Variants in PSTPIP1 observed in about 807,000 individuals in gnomAD.
PSTPIP1 encodes proline-serine-threonine phosphatase interacting protein 1.
In PSTPIP1, 66 loss-of-function variants were observed where a neutral mutation model predicts 69.6. The ratio of observed to expected loss-of-function variants is 0.95; its 90% CI spans 0.78 to 1.16. The LOEUF (loss-of-function observed/expected upper bound fraction) is 1.16. Among genes scored for constraint, PSTPIP1 ranks in the 50% most tolerant of loss-of-function variants. The pLI is 0.00. For missense variants in PSTPIP1, 603 were observed against 557.4 expected (o/e 1.08, Z -0.82); for synonymous variants, 266 against 222.7 (o/e 1.19, Z -1.73).
chr15:77,011,305 G>A (rs1354933273), intron 1 of PSTPIP1, among the ~76,000 whole-genome samples: 1 of 152,194 alleles, frequency 6.6e-6, no homozygotes, highest in East Asian at 1.9e-4. Flanking sequence ...GGACCCCTGG[G>A]AGTCCCTGGA....
Position 76,995,677 on chromosome 15 carries a change from G to A in PSTPIP1, c.36+68G>A, listed in dbSNP as rs2254441. On this transcript the variant is annotated intron_variant, in intron 1 of 14. Coordinates refer to ENST00000558012, the MANE Select transcript of PSTPIP1 (RefSeq NM_003978.5). ...AGAGCTAGGCTGAAATCTCCATGCA[G>A]GTGATGGGATGCGGCTCCGAGAGGG... 378,212 of 1,609,522 alleles carry A rather than the reference G, an allele frequency of 0.23. 50,599 individuals are homozygous for A. The highest frequency in any genetic ancestry group is 0.49 in the East Asian group (22,056 of 44,842).
chr15:77,035,481 C>A, intron 12 of PSTPIP1, 27 bp from the exon 13 acceptor site: 1 of 1,577,626 alleles, frequency 6.3e-7, no homozygotes, highest in Non-Finnish European at 8.6e-7. Context: ...GGCGGGGACA[C>A]TCACCCTCTT....
At chr15:77,011,418 T>G (rs1377571644) in intron 1 of PSTPIP1, among the ~76,000 whole-genome samples, 1 of 152,224 alleles carries the variant, frequency 6.6e-6, no homozygotes, top group African/African-American at 2.4e-5. Context: ...CCAGCTGGGC[T>G]GCTCAGGTGA....
chr15:77,025,716 G>T, intron 5 of PSTPIP1, 112 bp downstream of exon 5: 2 of 811,966 alleles, frequency 2.5e-6, no homozygotes, highest in Admixed American at 2.4e-5. Flanking sequence ...CGGCAGGGGT[G>T]GTGGTGGGAC....
intron 10 of PSTPIP1, chr15:77,031,479 TCTGC>T (rs1039458549): frequency 6.1e-6 from 3 of 490,364 alleles, no homozygotes; most frequent in African/African-American, 5.9e-5. Flanking sequence ...CCATGGCTTC[TCTGC>T]CTGGAAGATG....
chr15:76,999,766 C>T (rs2075658146), intron 1 of PSTPIP1, among the ~76,000 whole-genome samples: 1 of 152,206 alleles, frequency 6.6e-6, no homozygotes, highest in Non-Finnish European at 1.5e-5. Flanking sequence ...GCAAGGAGTG[C>T]TCTGAGAGGA....
intron 9 of PSTPIP1, among the ~76,000 whole-genome samples, chr15:77,030,909 C>T (rs185263091): frequency 2.8e-4 from 43 of 152,368 alleles, no homozygotes; most frequent in African/African-American, 9.1e-4. Flanking sequence ...GACTCCCGTC[C>T]GAGGTCCCTC....
intron 1 of PSTPIP1, among the ~76,000 whole-genome samples, 176 bp from the exon 2 acceptor site, chr15:77,017,972 G>A (rs1028189014): frequency 2.0e-5 from 3 of 152,198 alleles, no homozygotes; most frequent in African/African-American, 7.2e-5. Context: ...CAGATGTGAG[G>A]GGACCTCCTG....
At position 77,037,210 on chromosome 15, in the gene PSTPIP1, C is replaced by T. The variant is rs199557447; in HGVS notation, c.*34C>T. ...CAGGAGCCCCTTCGGACCTGCCCTGCCAGTGGAGCCAGCAGTGCCCCCAGC... is the reference window on the plus strand; with the variant it reads ...CAGGAGCCCCTTCGGACCTGCCCTGTCAGTGGAGCCAGCAGTGCCCCCAGC... On this transcript the variant is annotated 3_prime_UTR_variant, in exon 15 of 15. Transcript: ENST00000558012. 2.6e-6 allele frequency: 4 copies of T among 1,563,468 alleles called. No homozygotes were observed. The highest frequency in any genetic ancestry group is 3.5e-6 in the Non-Finnish European group (4 of 1,155,850).
intron 1 of PSTPIP1, among the ~76,000 whole-genome samples, chr15:76,999,138 T>C (rs571594818): frequency 4.7e-4 from 71 of 152,236 alleles, no homozygotes; most frequent in African/African-American, 1.6e-3. Flanking sequence ...GGCCAAATTA[T>C]TGCAAGAAAT....
chr15:77,023,912 G>A (rs1489425302), intron 3 of PSTPIP1: 1 of 152,372 alleles, frequency 6.6e-6, no homozygotes, highest in African/African-American at 2.4e-5. Context: ...CACTGCTGGT[G>A]AGGAGTCAGA....
chr15:77,002,151 T>C (rs1167745618), intron 1 of PSTPIP1, among the ~76,000 whole-genome samples: 1 of 152,232 alleles, frequency 6.6e-6, no homozygotes, highest in Non-Finnish European at 1.5e-5. Context: ...CCCAAACGCA[T>C]TGTCAGTGTC....
Position 77,018,291 on chromosome 15 carries a change from G to A in PSTPIP1, c.137+43G>A, listed in dbSNP as rs761228902. 19 of 1,550,914 alleles carry A rather than the reference G, an allele frequency of 1.2e-5. No individual in the cohort carries two copies. The South Asian group carries it at 2.3e-4, about 18-fold the overall frequency. On this transcript the variant is annotated intron_variant, in intron 2 of 14. Transcript: ENST00000558012. ...CCATGGGGAGCGCAGGCAGGAAGCA[G>A]GTGGCTTCCGCTCGGCTCCTGGGAC...
In PSTPIP1 at chr15:77,037,115, G is replaced by A. The variant is rs1173851329; in HGVS notation, c.1190G>A (p.Trp397Ter). 1.9e-6 allele frequency: 3 copies of A among 1,612,354 alleles called. No individual in the cohort carries two copies. The highest frequency in any genetic ancestry group is 2.5e-6 in the Non-Finnish European group (3 of 1,179,708). The change falls in exon 15 of 15, where the codon TGG (tryptophan) becomes TAG (stop). Residue 397 changes from tryptophan (W) to a stop codon, truncating the protein, a stop_gained. Coordinates refer to ENST00000558012, the MANE Select transcript of PSTPIP1 (RefSeq NM_003978.5). LOFTEE classifies it high-confidence loss of function. ...ATCCTGGAAGGGGAGGATGGCTGGT[G>A]GACTGTGGAGAGGAACGGGCAGCGT... ...EVILEGEDGW[W>*]TVERNGQRGF... is the part of the protein sequence containing the mutation.
intron 1 of PSTPIP1, among the ~76,000 whole-genome samples, chr15:76,997,959 G>A (rs5021805): frequency 0.14 from 20,811 of 151,744 alleles, 1,720 homozygotes; most frequent in South Asian, 0.23. Flanking sequence ...GTTTTTAGGC[G>A]GGGTGCAGTG....
chr15:77,032,231 C>G (rs2076435412), intron 10 of PSTPIP1, 67 bp from the exon 11 acceptor site: 1 of 1,531,248 alleles, frequency 6.5e-7, no homozygotes, highest in Admixed American at 1.8e-5. Context: ...GGCCGCTGGT[C>G]AGAGTTCAGG....
In PSTPIP1 at chr15:77,037,272, C is replaced by T; in HGVS notation, c.*96C>T. ...CTTGCTAGGGCCCAGAACCAAGCGTCCCCCAGCCCCGAGAGGGAGCCTGTC... is the reference window on the plus strand; with the variant it reads ...CTTGCTAGGGCCCAGAACCAAGCGTTCCCCAGCCCCGAGAGGGAGCCTGTC... On this transcript the variant is annotated 3_prime_UTR_variant, in exon 15 of 15. Coordinates refer to ENST00000558012, the MANE Select transcript of PSTPIP1 (RefSeq NM_003978.5). 9 of 1,456,586 alleles carry T rather than the reference C, an allele frequency of 6.2e-6. No homozygotes were observed. The highest frequency in any genetic ancestry group is 8.3e-6 in the Non-Finnish European group (9 of 1,086,340). 90.2% of individuals were successfully genotyped at this position (1,456,586 alleles called of 1,614,324 possible). A position where few individuals can be genotyped will look rare whatever the true frequency, so the allele number is the denominator to read the frequency against.
intron 6 of PSTPIP1, 132 bp from the exon 7 acceptor site, chr15:77,028,422 T>G (rs573679707): frequency 1.5e-6 from 1 of 669,982 alleles, no homozygotes; most frequent in African/African-American, 1.9e-5. Flanking sequence ...TCCCTGTCCC[T>G]GGTGAGGATG....
intron 2 of PSTPIP1, 75 bp downstream of exon 2, chr15:77,018,323 C>T (rs532211487): frequency 4.0e-5 from 62 of 1,534,848 alleles, no homozygotes; most frequent in Non-Finnish European, 5.4e-5. Flanking sequence ...GGACAGTGGA[C>T]GAGGCCCCCA....
Sources: allele counts gnomAD v4.1 joint callset (sites outside exome capture counted in the v4.1 genomes callset), GRCh38; gene constraint gnomAD v4.1.1; transcripts MANE v1.5; gene names NCBI Gene and HGNC (gene_info 2026-07-23, HGNC 2026-07-21).